WDR59: variants seen among roughly 807,000 people sequenced by gnomAD.
WDR59 encodes GATOR2 complex protein WDR59.
WDR59 carries 100 observed loss-of-function variants against 131.2 expected under a neutral mutation model. The ratio of observed to expected loss-of-function variants is 0.76; its 90% CI spans 0.65 to 0.90. The LOEUF is 0.90. Ranked by LOEUF, WDR59 falls within the 40% of genes least tolerant of loss-of-function variation. The pLI is 0.00. For missense variants in WDR59, 1,203 were observed against 1,262.2 expected (o/e 0.95, Z 0.71); for synonymous variants, 601 against 466.2 (o/e 1.29, Z -3.72).
At chr16:74,966,479 C>CA (rs1035431155) in intron 1 of WDR59, among the ~76,000 whole-genome samples, 2 of 151,868 alleles carry the variant, frequency 1.3e-5, no homozygotes, top group Non-Finnish European at 2.9e-5. Flanking sequence ...GACTCCATCT[C>CA]AAAAAATAAA....
At chr16:74,905,722 A>T (rs946516754) in intron 17 of WDR59, among the ~76,000 whole-genome samples, 2 of 151,376 alleles carry the variant, frequency 1.3e-5, no homozygotes, top group African/African-American at 4.8e-5. Flanking sequence ...AAAATAAAAT[A>T]AAATAAATAA....
At chr16:74,917,534 G>T (rs1182060081) in intron 11 of WDR59, among the ~76,000 whole-genome samples, 1 of 152,074 alleles carries the variant, frequency 6.6e-6, no homozygotes, top group East Asian at 1.9e-4. Flanking sequence ...TCCTGCCGGG[G>T]AAGGTGGCTC....
chr16:74,973,533 G>A (rs1031796654), intron 1 of WDR59, among the ~76,000 whole-genome samples: 6 of 144,774 alleles, frequency 4.1e-5, no homozygotes, highest in Non-Finnish European at 9.0e-5. Context: ...GTGATGCACC[G>A]GCCCTGGCCT....
intron 18 of WDR59, among the ~76,000 whole-genome samples, chr16:74,900,505 A>G (rs981059415): frequency 3.3e-5 from 5 of 152,258 alleles, no homozygotes; most frequent in Non-Finnish European, 7.3e-5. Context: ...GGAGGTTGCA[A>G]CAATGTTTAA....
At chr16:74,902,665 A>C (rs1185720681) in intron 18 of WDR59, among the ~76,000 whole-genome samples, 1 of 152,168 alleles carries the variant, frequency 6.6e-6, no homozygotes, top group Non-Finnish European at 1.5e-5. Flanking sequence ...CCTGGCCCTG[A>C]CACTAAAGAA....
chr16:74,912,059 G>C, intron 14 of WDR59, 139 bp downstream of exon 14: 1 of 1,161,044 alleles, frequency 8.6e-7, no homozygotes, highest in Non-Finnish European at 1.2e-6. Flanking sequence ...CAAGTTCAGA[G>C]GTTACGTTGC....
intron 2 of WDR59, among the ~76,000 whole-genome samples, chr16:74,957,610 G>C (rs1014333174): frequency 1.3e-5 from 2 of 152,152 alleles, no homozygotes; most frequent in Non-Finnish European, 2.9e-5. Context: ...TGAAGTGCCA[G>C]TAATGTTTAA....
chr16:74,888,248 GACTGGGCTTCAA>G lies in WDR59; in HGVS notation c.2255_2266del (p.Phe752_Gln755del). 1 of 1,614,124 alleles carries G rather than the reference GACTGGGCTTCAA, an allele frequency of 6.2e-7. No homozygotes were observed. The highest frequency in any genetic ancestry group is 8.5e-7 in the Non-Finnish European group (1 of 1,180,018). ...GGGGTTTGGTAGCCCCTGAGGCCGA[GACTGGGCTTCAA>G]ACACGCTACAGAGCATCGCCAGTGT... On this transcript the variant is annotated inframe_deletion, in exon 22 of 26. Coordinates refer to ENST00000262144, the MANE Select transcript of WDR59 (RefSeq NM_030581.4).
At position 74,887,753 on chromosome 16, in the gene WDR59, A is replaced by C. The variant is rs1022773343; in HGVS notation, c.2349T>G (p.Pro783=). The change falls in exon 23 of 26, where the codon CCT becomes CCG. Residue 783 remains proline (P), a splice_region_variant and synonymous_variant. Transcript: ENST00000262144. ...SNLVVSHSRY[P]SFTSSGSCSS... ...AGCAGGAACCAGAAGAGGTAAAGCTAGGCTACAGAAGGGAAGAGAAGAACC... is the reference window on the plus strand; with the variant it reads ...AGCAGGAACCAGAAGAGGTAAAGCTCGGCTACAGAAGGGAAGAGAAGAACC... 6 of 1,613,824 alleles carry C rather than the reference A, an allele frequency of 3.7e-6. No individual in the cohort carries two copies. The African/African-American group carries it at 8.0e-5, about 22-fold the overall frequency.
intron 18 of WDR59, among the ~76,000 whole-genome samples, chr16:74,897,401 A>G (rs1965349336): frequency 1.3e-5 from 2 of 152,200 alleles, no homozygotes; most frequent in East Asian, 3.8e-4. Flanking sequence ...CTCTTCCCCC[A>G]TTTGCAGCTT....
At chr16:74,876,224 G>C (rs1205060988) in intron 25 of WDR59, among the ~76,000 whole-genome samples, 1 of 152,086 alleles carries the variant, frequency 6.6e-6, no homozygotes, top group Non-Finnish European at 1.5e-5. Flanking sequence ...TTCCAATTAA[G>C]GCAAATCTTG....
At chr16:74,918,152 C>A in intron 10 of WDR59, 144 bp from the exon 11 acceptor site, 1 of 700,256 alleles carries the variant, frequency 1.4e-6, no homozygotes, top group Non-Finnish European at 2.4e-6. Context: ...TTCTAGGTAC[C>A]AGGACTACAG....
chr16:74,970,689 T>C (rs2033948934), intron 1 of WDR59, among the ~76,000 whole-genome samples: 1 of 151,962 alleles, frequency 6.6e-6, no homozygotes, highest in Non-Finnish European at 1.5e-5. Flanking sequence ...CATGGTCTAT[T>C]TCATTTCTCC....
chr16:74,898,454 G>T (rs1487362547), intron 18 of WDR59, among the ~76,000 whole-genome samples: 1 of 152,224 alleles, frequency 6.6e-6, no homozygotes, highest in Non-Finnish European at 1.5e-5. Context: ...AAGCAAGACA[G>T]ACAAATTATT....
At chr16:74,968,322 A>G (rs1209810307) in intron 1 of WDR59, among the ~76,000 whole-genome samples, 1 of 152,238 alleles carries the variant, frequency 6.6e-6, no homozygotes, top group Non-Finnish European at 1.5e-5. Flanking sequence ...GCTGGCTGCA[A>G]AGACAGAAGG....
At chr16:74,909,187 G>C (rs760646781) in intron 16 of WDR59, among the ~76,000 whole-genome samples, 7 of 152,076 alleles carry the variant, frequency 4.6e-5, no homozygotes, top group Non-Finnish European at 8.8e-5. Context: ...TGTGGACTGG[G>C]CAGAGTCATC....
At chr16:74,909,201 A>C (rs2303250) in intron 16 of WDR59, among the ~76,000 whole-genome samples, 348 of 151,970 alleles carry the variant, frequency 2.3e-3, no homozygotes, top group Non-Finnish European at 4.0e-3. Flanking sequence ...AGTCATCAGC[A>C]GGACTCTAAG....
intron 6 of WDR59, among the ~76,000 whole-genome samples, chr16:74,945,333 C>T (rs12918118): frequency 0.025 from 3,637 of 144,602 alleles, 70 homozygotes; most frequent in Non-Finnish European, 0.036. Context: ...AAAAATTAGC[C>T]GGGCATGGTG....
At position 74,938,271 on chromosome 16, in the gene WDR59, A is replaced by G; in HGVS notation, c.535-5T>C. On this transcript the variant is annotated splice_region_variant and splice_polypyrimidine_tract_variant and intron_variant, in intron 7 of 25. Transcript: ENST00000262144. ...TTCCACTGCTGTACTGGGTTTCTGC[A>G]ACAGATCAGCACCTAATATTATCGA... 1 of 1,514,402 alleles carries G rather than the reference A, an allele frequency of 6.6e-7. No homozygotes were observed. The highest frequency in any genetic ancestry group is 8.9e-7 in the Non-Finnish European group (1 of 1,126,982). The allele number at this position is 1,514,402 out of a possible 1,614,324, so 93.8% of individuals were successfully genotyped here.
Sources: gnomAD v4.1 joint callset for allele counts (sites outside exome capture counted in the v4.1 genomes callset) on GRCh38, gnomAD v4.1.1 for gene constraint, MANE v1.5 for transcripts, NCBI Gene and HGNC (gene_info 2026-07-23, HGNC 2026-07-21) for gene names.